Variants in ANO3 observed in about 807,000 individuals in gnomAD.
ANO3 encodes anoctamin-3.
ANO3 carries 99 observed loss-of-function variants against 144.8 expected under a neutral mutation model. The observed-to-expected ratio is 0.68, with a 90% CI of 0.58 to 0.81. ANO3 has a LOEUF of 0.81. Among genes scored for constraint, ANO3 ranks in the 30% least tolerant of loss-of-function variants. ANO3 has a pLI of 0.00. For missense variants in ANO3, 905 were observed against 1,202.2 expected, an observed-to-expected ratio of 0.75 and a Z score of 3.66; for synonymous variants, 414 against 392.6, an observed-to-expected ratio of 1.05 and a Z score of -0.64.
intron 1 of ANO3, 123 bp downstream of exon 1, chr11:26,332,444 T>A (rs1165454545): frequency 2.3e-5 from 14 of 616,076 alleles, no homozygotes; most frequent in South Asian, 4.6e-5. Context: ...TCTGTGAAGT[T>A]AAAAAAAAAA....
chr11:26,532,621 C>T (rs1849402828), intron 8 of ANO3, among the ~76,000 whole-genome samples: 1 of 152,020 alleles, frequency 6.6e-6, no homozygotes, highest in Non-Finnish European at 1.5e-5. Context: ...TCACTCCAGC[C>T]ATACAAGCCT....
chr11:26,451,228 T>C (rs1443294425), intron 3 of ANO3, among the ~76,000 whole-genome samples: 1 of 152,098 alleles, frequency 6.6e-6, no homozygotes, highest in African/African-American at 2.4e-5. Context: ...TGCCAGACAG[T>C]GGGCGCAGGT....
intron 7 of ANO3, among the ~76,000 whole-genome samples, chr11:26,530,594 C>G (rs992978255): frequency 6.6e-6 from 1 of 150,832 alleles, no homozygotes; most frequent in Admixed American, 6.6e-5. Flanking sequence ...GGCGCAGTGG[C>G]TCATGCCTAT....
At position 26,639,949 on chromosome 11, in the gene ANO3, T is replaced by C. The variant is rs553900607; in HGVS notation, c.2141+708T>C. Among the ~76,000 whole-genome samples the C allele has an allele frequency of 6.6e-5, 10 of 152,346 alleles. No individual in the cohort carries two copies. The South Asian group carries it at 2.1e-3, about 32-fold the overall frequency. On this transcript the variant is annotated intron_variant, in intron 21 of 26. Transcript: ENST00000256737. ...GTCTATTTGAATAATTTCCTGACTA[T>C]TGGGGAAGAACTGGTTAGTTGGTTG...
At chr11:26,305,157 CAAA>C (rs60302507), upstream of ANO3, among the ~76,000 whole-genome samples, 1,241 of 101,344 alleles carry the variant, frequency 0.012, 16 homozygotes, top group African/African-American at 0.037. Flanking sequence ...CCCTACAAGG[CAAA>C]AAAAAAAAAA....
chr11:26,257,955 T>A (rs757328739), intron 1 of ANO3, among the ~76,000 whole-genome samples: 34 of 152,176 alleles, frequency 2.2e-4, no homozygotes, highest in Non-Finnish European at 3.8e-4. Context: ...CACACAGTTT[T>A]ATTTCATATT....
At chr11:26,645,368 A>G (rs1231138360) in intron 23 of ANO3, among the ~76,000 whole-genome samples, 1 of 151,986 alleles carries the variant, frequency 6.6e-6, no homozygotes, top group Non-Finnish European at 1.5e-5. Flanking sequence ...CCATTGAGCT[A>G]CTTATTACAT....
Position 26,639,143 on chromosome 11 carries a change from G to A in ANO3, c.2044-1G>A, listed in dbSNP as rs1171029662. On this transcript the variant is annotated splice_acceptor_variant, in intron 20 of 26. Transcript: ENST00000256737. LOFTEE classifies it high-confidence loss of function. Reference sequence around the variant, plus strand: ...ATTATTGCTCTTATGTTCTATTTCAGTGTCATCCTAGTGGCTGTTTGATAG... The same window carrying A: ...ATTATTGCTCTTATGTTCTATTTCAATGTCATCCTAGTGGCTGTTTGATAG... 3 of 1,603,666 alleles carry A rather than the reference G, an allele frequency of 1.9e-6. No homozygotes were observed. Among genetic ancestry groups the A allele is most frequent in the Non-Finnish European group, 1.7e-6 (2 of 1,170,726 alleles).
chr11:26,613,614 C>T (rs918464328), intron 17 of ANO3, among the ~76,000 whole-genome samples: 5 of 152,010 alleles, frequency 3.3e-5, no homozygotes, highest in African/African-American at 1.2e-4. Flanking sequence ...TAAATTTGTT[C>T]TTTCTGGTTT....
chr11:26,638,308 C>T (rs1252727945), intron 20 of ANO3, among the ~76,000 whole-genome samples: 1 of 152,178 alleles, frequency 6.6e-6, no homozygotes, highest in African/African-American at 2.4e-5. Flanking sequence ...ATGTGCTTCT[C>T]ATATATCCCT....
intron 1 of ANO3, among the ~76,000 whole-genome samples, chr11:26,246,700 C>CAT (rs3059317): frequency 0.37 from 55,781 of 151,620 alleles, 10,419 homozygotes; most frequent in Non-Finnish European, 0.38. Context: ...CCATAATCCT[C>CAT]GTGTGTGGCA....
chr11:26,423,984 T>G (rs1391090334), intron 1 of ANO3, among the ~76,000 whole-genome samples: 2 of 152,026 alleles, frequency 1.3e-5, no homozygotes, highest in African/African-American at 2.4e-5. Flanking sequence ...AAAATGTTTT[T>G]TTTTTAATTT....
At chr11:26,191,772 C>T (rs1590184895) in intron 1 of ANO3, among the ~76,000 whole-genome samples, 1 of 152,090 alleles carries the variant, frequency 6.6e-6, no homozygotes, top group Non-Finnish European at 1.5e-5. Context: ...AGATCAAATG[C>T]TCTCTTTTTC....
chr11:26,390,122 T>C (rs1382880360), intron 1 of ANO3, among the ~76,000 whole-genome samples: 1 of 152,130 alleles, frequency 6.6e-6, no homozygotes, highest in Admixed American at 6.6e-5. Context: ...TGTTAGAGTT[T>C]TTAGAAAGTG....
chr11:26,472,655 G>A (rs1263171775), intron 4 of ANO3, among the ~76,000 whole-genome samples: 1 of 151,786 alleles, frequency 6.6e-6, no homozygotes, highest in Non-Finnish European at 1.5e-5. Context: ...TGAATATTGT[G>A]GGTTTTTTCA....
Position 26,660,588 on chromosome 11 carries a change from C to A in ANO3, c.*144C>A. 2.8e-6 allele frequency: 2 copies of A among 703,660 alleles called. No homozygotes were observed. The highest frequency in any genetic ancestry group is 2.9e-5 in the East Asian group (1 of 34,322). 43.6% of individuals were successfully genotyped at this position (703,660 alleles called of 1,614,324 possible). A position where few individuals can be genotyped will look rare whatever the true frequency, so the allele number is the denominator to read the frequency against. On this transcript the variant is annotated 3_prime_UTR_variant, in exon 27 of 27. Transcript: ENST00000256737. ...ACTTGGAAATGTATCACAGCCATCT[C>A]TGGGATTTGAAATATCCAGACTTGT... is the stretch of plus-strand genomic sequence containing the variant.
intron 4 of ANO3, among the ~76,000 whole-genome samples, chr11:26,487,718 C>T (rs1453180761): frequency 1.3e-5 from 2 of 152,178 alleles, no homozygotes; most frequent in East Asian, 3.9e-4. Flanking sequence ...GCAAAGGTGA[C>T]TCCTGTTACG....
At chr11:26,307,130 C>A (rs982183176), upstream of ANO3, among the ~76,000 whole-genome samples, 3 of 151,848 alleles carry the variant, frequency 2.0e-5, no homozygotes, top group Non-Finnish European at 4.4e-5. Context: ...CCGAGGCAGG[C>A]GGATCACGAG....
At chr11:26,580,391 T>C (rs1306746268) in intron 14 of ANO3, among the ~76,000 whole-genome samples, 1 of 152,250 alleles carries the variant, frequency 6.6e-6, no homozygotes, top group Non-Finnish European at 1.5e-5. Flanking sequence ...CGTACATTTT[T>C]AAGATTGTTG....
Sources: gnomAD v4.1 joint callset for allele counts (sites outside exome capture counted in the v4.1 genomes callset) on GRCh38, gnomAD v4.1.1 for gene constraint, MANE v1.5 for transcripts, NCBI Gene and HGNC (gene_info 2026-07-23, HGNC 2026-07-21) for gene names.